Variants in SLC29A1 observed in about 807,000 individuals in gnomAD.
SLC29A1 encodes equilibrative nucleoside transporter 1.
Under a neutral mutation model 48.3 loss-of-function variants are expected in SLC29A1, and 22 were observed. The observed-to-expected ratio is 0.46, with a 90% CI of 0.33 to 0.65. The LOEUF is 0.65. Ranked by LOEUF, SLC29A1 falls within the 30% of genes least tolerant of loss-of-function variation. SLC29A1 has a pLI of 0.03. For missense variants in SLC29A1, 491 were observed against 575.3 expected, an observed-to-expected ratio of 0.85 and a Z score of 1.50; for synonymous variants, 228 against 231.0, an observed-to-expected ratio of 0.99 and a Z score of 0.12.
intron 1 of SLC29A1, among the ~76,000 whole-genome samples, chr6:44,224,464 C>T (rs1210524218): frequency 6.6e-6 from 1 of 152,016 alleles, no homozygotes; most frequent in East Asian, 1.9e-4. Context: ...CAGAGTTCCC[C>T]CCACCTCCCA....
At chr6:44,225,716 G>A (rs1214475698) in intron 1 of SLC29A1, 1 of 152,242 alleles carries the variant, frequency 6.6e-6, no homozygotes, top group Non-Finnish European at 1.5e-5. Flanking sequence ...TCTATCTGGA[G>A]GTGTGGGGCT....
In SLC29A1 at chr6:44,232,871, T is replaced by G. The variant is rs753738309; in HGVS notation, c.1124T>G (p.Leu375Arg). The G allele has an allele frequency of 6.2e-7, 1 of 1,614,036 alleles. No individual in the cohort carries two copies. The highest frequency in any genetic ancestry group is 8.5e-7 in the Non-Finnish European group (1 of 1,180,038). ...VLARLVFVPL[L>R]LLCNIKPRRY... Reference sequence around the variant, plus strand: ...GCCCGGCTGGTGTTTGTGCCACTGCTGCTGCTGTGCAACATTAAGCCCCGC... The same window carrying G: ...GCCCGGCTGGTGTTTGTGCCACTGCGGCTGCTGTGCAACATTAAGCCCCGC... Residue 375 changes from leucine to arginine, a missense_variant, in exon 12 of 13, where the codon CTG becomes CGG. Physicochemically the swap from Leu to Arg is moderately radical, Grantham distance 102 (BLOSUM62 -2). Transcript: ENST00000371755. This position sits in a 1 kb window ranked among gnomAD's most constrained non-coding sequence, Gnocchi z 4.7.
At chr6:44,224,469 C>G (rs1250966351) in intron 1 of SLC29A1, among the ~76,000 whole-genome samples, 2 of 152,094 alleles carry the variant, frequency 1.3e-5, no homozygotes, top group Admixed American at 1.3e-4. Flanking sequence ...TTCCCCCCAC[C>G]TCCCAGTCTA....
chr6:44,226,642 C>T (rs1777587056), intron 1 of SLC29A1: 1 of 657,184 alleles, frequency 1.5e-6, no homozygotes, highest in African/African-American at 2.0e-5. Flanking sequence ...TCTGGGTTGC[C>T]TTCAGGAGAG....
Position 44,226,688 on chromosome 6 carries a change from C to T in SLC29A1, c.-51-575C>T, listed in dbSNP as rs1206613705. The stretch of plus-strand genomic sequence containing the variant: ...CTCTAGCCATGAATCCAGGGGCTCC[C>T]CAGGGAGGGTGGAGAGACCAGACTT... On this transcript the variant is annotated intron_variant, in intron 1 of 12. Transcript: ENST00000371755. The T allele has an allele frequency of 7.2e-6, 7 of 970,606 alleles. No individual in the cohort carries two copies. The East Asian group carries it at 8.0e-4, about 110-fold the overall frequency. The allele number at this position is 970,606 out of a possible 1,614,324, so 60.1% of individuals were successfully genotyped here.
chr6:44,228,161 C>G (rs1777986576), intron 2 of SLC29A1, among the ~76,000 whole-genome samples: 1 of 152,204 alleles, frequency 6.6e-6, no homozygotes. Flanking sequence ...GTCCAGGCCC[C>G]AGGTTGCTTC....
At position 44,232,815 on chromosome 6, in the gene SLC29A1, G is replaced by C. The variant is rs1201447414; in HGVS notation, c.1068G>C (p.Lys356Asn). The part of the protein sequence containing the change: ...SLTAVFMWPG[K>N]DSRWLPSLVL... ...CTGCCTGGTGCCCACAGCCTGGGAAGGACAGCCGCTGGCTGCCAAGCCTGG... is the reference window on the plus strand; with the variant it reads ...CTGCCTGGTGCCCACAGCCTGGGAACGACAGCCGCTGGCTGCCAAGCCTGG... The change falls in exon 12 of 13, where the codon AAG becomes AAC. Residue 356 changes from lysine (K) to asparagine (N), a missense_variant. By Grantham distance (94) the Lys-to-Asn change is moderately conservative. Transcript: ENST00000371755. The surrounding 1 kb of genome is among the most constrained non-coding windows in gnomAD (Gnocchi z 4.7). The C allele has an allele frequency of 6.2e-7, 1 of 1,610,888 alleles. No homozygotes were observed. The highest frequency in any genetic ancestry group is 2.2e-5 in the East Asian group (1 of 44,866).
At chr6:44,222,859 T>G (rs1433070620), upstream of SLC29A1, among the ~76,000 whole-genome samples, 1 of 152,206 alleles carries the variant, frequency 6.6e-6, no homozygotes, top group Non-Finnish European at 1.5e-5. Flanking sequence ...TTTTCCAAAG[T>G]GCTGGATTTA....
intron 8 of SLC29A1, 74 bp from the exon 9 acceptor site, chr6:44,231,290 G>C: frequency 1.0e-6 from 1 of 1,000,450 alleles, no homozygotes; most frequent in Admixed American, 2.0e-5. Context: ...AATCCCAGCC[G>C]TTTTGGGGAA....
At chr6:44,228,309 C>A (rs532238762) in intron 2 of SLC29A1, among the ~76,000 whole-genome samples, 1 of 152,226 alleles carries the variant, frequency 6.6e-6, no homozygotes, top group Non-Finnish European at 1.5e-5. Context: ...CGTACTCCCC[C>A]CAACCCCGAT....
At chr6:44,219,821 T>G (rs964829038), upstream of SLC29A1, 689 of 112,374 alleles carry the variant, frequency 6.1e-3, no homozygotes, top group Middle Eastern at 8.2e-3. Context: ...CGGGGCGGGG[T>G]GGGGTGGGGG....
intron 12 of SLC29A1, 44 bp downstream of exon 12, chr6:44,233,050 T>C: frequency 1.3e-6 from 2 of 1,584,290 alleles, no homozygotes. Flanking sequence ...AGACAGGATC[T>C]AGAGTTCCAG....
chr6:44,219,878 T>C (rs1776131292), upstream of SLC29A1: 1 of 854,538 alleles, frequency 1.2e-6, no homozygotes, highest in Non-Finnish European at 1.6e-6. Context: ...AGGGGGCCAG[T>C]AGGGGGACCC....
chr6:44,227,164 T>C, intron 1 of SLC29A1, 99 bp from the exon 2 acceptor site: 3 of 1,403,310 alleles, frequency 2.1e-6, no homozygotes, highest in South Asian at 1.3e-5. Context: ...ACTCCTCCAC[T>C]GGCCTGTTCT....
At chr6:44,224,488 ACTGAGAAGCAG>A (rs891024055) in intron 1 of SLC29A1, among the ~76,000 whole-genome samples, 6 of 151,512 alleles carry the variant, frequency 4.0e-5, no homozygotes, top group African/African-American at 1.5e-4. Flanking sequence ...TACAGGGCTA[ACTGAGAAGCAG>A]CTTTTATACC....
At chr6:44,226,425 C>G (rs953551670) in intron 1 of SLC29A1, among the ~76,000 whole-genome samples, 5 of 149,050 alleles carry the variant, frequency 3.4e-5, no homozygotes, top group African/African-American at 1.2e-4. Context: ...CAAGGTCACT[C>G]TTAGAAAGGG....
intron 1 of SLC29A1, chr6:44,226,924 T>C (rs1026691819): frequency 1.9e-6 from 2 of 1,074,644 alleles, no homozygotes; most frequent in African/African-American, 3.3e-5. Context: ...TTTCCCTCCC[T>C]CCCATCATCT....
chr6:44,232,821 C>T lies in SLC29A1; in HGVS notation c.1074C>T (p.Ser358=). The T allele has an allele frequency of 6.2e-7, 1 of 1,611,556 alleles. No individual in the cohort carries two copies. The highest frequency in any genetic ancestry group is 1.1e-5 in the South Asian group (1 of 91,070). ...GGTGCCCACAGCCTGGGAAGGACAG[C>T]CGCTGGCTGCCAAGCCTGGTGCTGG... ...TAVFMWPGKD[S]RWLPSLVLAR... Residue 358 remains serine, a synonymous_variant, in exon 12 of 13, where the codon AGC becomes AGT. Transcript: ENST00000371755. This position sits in a 1 kb window ranked among gnomAD's most constrained non-coding sequence, Gnocchi z 4.7.
chr6:44,226,899 C>A (rs1777663885), intron 1 of SLC29A1: 1 of 1,058,814 alleles, frequency 9.4e-7, no homozygotes, highest in Non-Finnish European at 1.1e-6. Flanking sequence ...CTCTTGCCTG[C>A]CTTCTTTGAC....
Sources: allele counts gnomAD v4.1 joint callset (sites outside exome capture counted in the v4.1 genomes callset), GRCh38; gene constraint gnomAD v4.1.1; non-coding constraint Gnocchi (gnomAD v3.1); transcripts MANE v1.5; gene names NCBI Gene and HGNC (gene_info 2026-07-23, HGNC 2026-07-21).